CYB561A3: variants seen among roughly 807,000 people sequenced by gnomAD.
CYB561A3 encodes lysosomal membrane ascorbate-dependent ferrireductase CYB561A3.
CYB561A3 carries 16 observed loss-of-function variants against 25.3 expected under a neutral mutation model. The ratio of observed to expected loss-of-function variants is 0.63; its 90% CI spans 0.43 to 0.96. The LOEUF is 0.96. CYB561A3 is among the 40% of genes least tolerant of loss of function. The probability of loss-of-function intolerance (pLI) is 0.00; values close to 1 mark genes in which losing one functional copy is unlikely to be tolerated. For synonymous variants in CYB561A3, 131 were observed against 129.9 expected (o/e 1.01, Z -0.06); for missense variants, 219 against 307.5 (o/e 0.71, Z 2.15).
intron 5 of CYB561A3, 120 bp downstream of exon 5, chr11:61,352,865 G>C (rs772707412): frequency 2.6e-6 from 4 of 1,561,902 alleles, no homozygotes; most frequent in Non-Finnish European, 2.6e-6. Flanking sequence ...TCCAGATCAG[G>C]AGTGGACCCA....
intron 2 of CYB561A3, 174 bp from the exon 3 acceptor site, chr11:61,356,902 C>T: frequency 6.9e-7 from 1 of 1,444,620 alleles, no homozygotes; most frequent in Non-Finnish European, 9.0e-7. Context: ...CTGGGTGGGC[C>T]TGATCTTCAG....
At chr11:61,361,483 G>T (rs1275531890) in intron 1 of CYB561A3, among the ~76,000 whole-genome samples, 1 of 152,294 alleles carries the variant, frequency 6.6e-6, no homozygotes, top group South Asian at 2.1e-4. Context: ...CTCCTCTGCT[G>T]GGTGCTCGTG....
At chr11:61,355,688 A>C (rs1284012546) in intron 3 of CYB561A3, among the ~76,000 whole-genome samples, 1 of 151,070 alleles carries the variant, frequency 6.6e-6, no homozygotes, top group Non-Finnish European at 1.5e-5. Flanking sequence ...TCTCAAAAAA[A>C]GAAAAAAAAA....
chr11:61,359,455 G>GT (rs1296626462), intron 1 of CYB561A3: 1 of 152,052 alleles, frequency 6.6e-6, no homozygotes, highest in Non-Finnish European at 1.5e-5. Flanking sequence ...TCAGTGAAAT[G>GT]TAAGAGATCT....
intron 4 of CYB561A3, 114 bp from the exon 5 acceptor site, chr11:61,353,253 A>C: frequency 2.3e-6 from 3 of 1,332,144 alleles, no homozygotes; most frequent in Non-Finnish European, 3.0e-6. Flanking sequence ...CACAACTCAA[A>C]CCTTCCCACC....
chr11:61,351,533 C>G (rs534020488), intron 5 of CYB561A3: 1 of 154,166 alleles, frequency 6.5e-6, no homozygotes, highest in African/African-American at 2.4e-5. Context: ...TCATGATCCG[C>G]CCGCCTCGGC....
At chr11:61,361,073 G>A (rs537206419) in intron 1 of CYB561A3, 1 of 152,340 alleles carries the variant, frequency 6.6e-6, no homozygotes, top group African/African-American at 2.4e-5. Flanking sequence ...TGAAGGGGTA[G>A]AAAATCAGTT....
Position 61,361,736 on chromosome 11 carries a change from TA to T in CYB561A3, c.-116del, listed in dbSNP as rs1328288665. 1 of 152,306 alleles carries T rather than the reference TA, an allele frequency of 6.6e-6. No homozygotes were observed. The highest frequency in any genetic ancestry group is 6.5e-5 in the Admixed American group (1 of 15,284). 9.4% of individuals were successfully genotyped at this position (152,306 alleles called of 1,614,324 possible). Reference sequence around the variant, plus strand: ...CCAGCCCCGGGATCCTTCTCACCCCTAACCACAGTGGGACGAAGTGAGGCCG... The same window carrying T: ...CCAGCCCCGGGATCCTTCTCACCCCTACCACAGTGGGACGAAGTGAGGCCG... On this transcript the variant is annotated 5_prime_UTR_variant, in exon 1 of 7. Coordinates refer to ENST00000294072, the MANE Select transcript of CYB561A3 (RefSeq NM_153611.6).
Position 61,350,796 on chromosome 11 carries a change from G to A in CYB561A3, c.705+195C>T, listed in dbSNP as rs968687891. ...TGTCTCCCAATGGACAGACTGGGGA[G>A]TCCCAGCATTTCACTGGGATGCGCT... On this transcript the variant is annotated intron_variant, in intron 6 of 6. Coordinates refer to ENST00000294072, the MANE Select transcript of CYB561A3 (RefSeq NM_153611.6). The A allele has an allele frequency of 1.6e-4, 117 of 724,312 alleles. No homozygotes were observed. The Middle Eastern group carries it at 2.0e-3, about 13-fold the overall frequency. The allele number at this position is 724,312 out of a possible 1,614,324, so 44.9% of individuals were successfully genotyped here.
chr11:61,349,698 C>T lies in CYB561A3; in HGVS notation c.*701G>A, dbSNP rs1210173812. On this transcript the variant is annotated 3_prime_UTR_variant, in exon 7 of 7. Coordinates refer to ENST00000294072, the MANE Select transcript of CYB561A3 (RefSeq NM_153611.6). ...TACATGCAGACACAGAGCAGCAATA[C>T]GAAACAGAACAGCTCAGAGCGGTCA... 2.1e-5 allele frequency: 15 copies of T among 700,822 alleles called. No homozygotes were observed. The highest frequency in any genetic ancestry group is 2.3e-4 in the Middle Eastern group (1 of 4,350). 43.4% of individuals were successfully genotyped at this position (700,822 alleles called of 1,614,324 possible).
intron 2 of CYB561A3, chr11:61,357,182 G>A: frequency 1.3e-6 from 2 of 1,551,484 alleles, no homozygotes; most frequent in Non-Finnish European, 1.7e-6. Flanking sequence ...AGTCTGAAAA[G>A]AGCAAACACC....
Position 61,356,588 on chromosome 11 carries a change from G to A in CYB561A3, c.126C>T (p.Tyr42=), listed in dbSNP as rs765693705. 12 of 1,614,178 alleles carry A rather than the reference G, an allele frequency of 7.4e-6. No homozygotes were observed. In the South Asian group the frequency reaches 1.3e-4, roughly 18 times the overall value. ...TAAGCACTGGGTGCCAGTTGAACAT[G>A]TAGATGCTGCCATTCCAGGCAAAGC... is the stretch of plus-strand genomic sequence containing the variant. ...RGGFAWNGSI[Y]MFNWHPVLMV... Residue 42 remains tyrosine (Y), a synonymous_variant, in exon 3 of 7, where the codon TAC becomes TAT. Transcript: ENST00000294072.
chr11:61,350,761 G>A (rs1857365203), intron 6 of CYB561A3: 3 of 620,548 alleles, frequency 4.8e-6, no homozygotes, highest in East Asian at 2.9e-5. Context: ...GTGATTTGGG[G>A]GGGAAATTCT....
rs779117317 is a variant in CYB561A3, at chr11:61,353,925, T to C, written c.252A>G (p.Ala84=). ...GPKLPWKLLH[A]ALHLMAFVLT... The stretch of plus-strand genomic sequence containing the variant: ...GGACGAAGGCCATCAGGTGCAGCGC[T>C]GCATGGAGGAGTTTCCAGGGCAGTT... Residue 84 remains alanine (A), a synonymous_variant, in exon 4 of 7, where the codon GCA becomes GCG. Coordinates refer to ENST00000294072, the MANE Select transcript of CYB561A3 (RefSeq NM_153611.6). 1.2e-6 allele frequency: 2 copies of C among 1,614,178 alleles called. No individual in the cohort carries two copies. The highest frequency in any genetic ancestry group is 1.7e-6 in the Non-Finnish European group (2 of 1,180,028).
chr11:61,359,994 C>T (rs1394296071), intron 1 of CYB561A3: 2 of 152,184 alleles, frequency 1.3e-5, no homozygotes, highest in East Asian at 1.9e-4. Context: ...GCACTGCAGC[C>T]TGTGCAACAG....
rs1857492494 is a variant in CYB561A3 at position 61,353,060 on chromosome 11, A to C, written c.473T>G (p.Phe158Cys). Residue 158 changes from phenylalanine (F) to cysteine (C), a missense_variant, in exon 5 of 7, where the codon TTT becomes TGT. Phe to Cys is a radical substitution (Grantham distance 205). Coordinates refer to ENST00000294072, the MANE Select transcript of CYB561A3 (RefSeq NM_153611.6). ...LRSLLKPIHV[F>C]FGAAILSLSI... ...CAGAGAGAGGATGGCGGCTCCAAAA[A>C]AGACGTGGATAGGTTTTAGGAGGCT... 2 of 1,614,066 alleles carry C rather than the reference A, an allele frequency of 1.2e-6. No individual in the cohort carries two copies. The highest frequency in any genetic ancestry group is 2.7e-5 in the African/African-American group (2 of 74,918).
At chr11:61,350,849 C>A in intron 6 of CYB561A3, 142 bp downstream of exon 6, 1 of 1,245,394 alleles carries the variant, frequency 8.0e-7, no homozygotes, top group Non-Finnish European at 1.1e-6. Context: ...CCCCATCAGC[C>A]ACCCTAACTC....
intron 2 of CYB561A3, chr11:61,356,987 C>G: frequency 6.8e-7 from 1 of 1,466,860 alleles, no homozygotes; most frequent in Non-Finnish European, 9.0e-7. Context: ...TATGGCTGGC[C>G]CTGGCGAAGG....
Position 61,353,964 on chromosome 11 carries a change from C to T in CYB561A3, c.213G>A (p.Ser71=), listed in dbSNP as rs79125008. Residue 71 remains serine (S), a synonymous_variant, in exon 4 of 7, where the codon TCG becomes TCA. Coordinates refer to ENST00000294072, the MANE Select transcript of CYB561A3 (RefSeq NM_153611.6). ...GASLVYRLPQ[S]WVGPKLPWKL... ...TCCAGGGCAGTTTGGGCCCCACCCACGACTGGGGCAGGCGGTACACCAGTG... is the reference window on the plus strand; with the variant it reads ...TCCAGGGCAGTTTGGGCCCCACCCATGACTGGGGCAGGCGGTACACCAGTG... The T allele has an allele frequency of 5.2e-4, 840 of 1,614,174 alleles. 3 individuals are homozygous for T. In the African/African-American group the frequency reaches 9.6e-3, roughly 18 times the overall value.
Sources: allele counts gnomAD v4.1 joint callset (sites outside exome capture counted in the v4.1 genomes callset), GRCh38; gene constraint gnomAD v4.1.1; transcripts MANE v1.5; gene names NCBI Gene and HGNC (gene_info 2026-07-23, HGNC 2026-07-21).